GRIK2: variants seen among roughly 807,000 people sequenced by gnomAD.
GRIK2 encodes the protein glutamate ionotropic receptor kainate type subunit 2.
In GRIK2, 32 loss-of-function variants were observed where a neutral mutation model predicts 100.3. The ratio of observed to expected loss-of-function variants is 0.32; its 90% CI spans 0.24 to 0.43. The LOEUF (loss-of-function observed/expected upper bound fraction) is 0.43, where lower values mean the gene tolerates loss of function less well. GRIK2 is among the 20% of genes least tolerant of loss of function. The pLI, the probability that GRIK2 is intolerant of heterozygous loss-of-function variation, is 1.00. For missense variants in GRIK2, 843 were observed against 1,114.9 expected, an observed-to-expected ratio of 0.76 and a Z score of 3.47; for synonymous variants, 417 against 389.4, an observed-to-expected ratio of 1.07 and a Z score of -0.83.
In GRIK2 at chr6:101,542,022, G is replaced by A. The variant is rs148633020; in HGVS notation, c.116-79927G>A. Among the ~76,000 whole-genome samples, 936 of 152,092 alleles carry A rather than the reference G, an allele frequency of 6.2e-3. 3 individuals are homozygous for A. The highest frequency in any genetic ancestry group is 8.9e-3 in the Non-Finnish European group (606 of 67,956). On this transcript the variant is annotated intron_variant, in intron 2 of 16. Coordinates refer to ENST00000369134, the MANE Select transcript of GRIK2 (RefSeq NM_021956.5). ...ATGATATTTAAATGATAGTTATTCT[G>A]TTTGTATTCTCATAATAGTTGAACA... is the stretch of plus-strand genomic sequence containing the variant.
chr6:101,818,534 A>C, intron 10 of GRIK2, 51 bp downstream of exon 10: 1 of 973,698 alleles, frequency 1.0e-6, no homozygotes, highest in Non-Finnish European at 1.7e-6. Flanking sequence ...TGAACACAGA[A>C]GTGCATAGAA....
chr6:102,051,262 TTCCTTCC>T (rs762338372), intron 15 of GRIK2, among the ~76,000 whole-genome samples: 1,838 of 125,648 alleles, frequency 0.015, 22 homozygotes, highest in Admixed American at 0.023. Flanking sequence ...CCTTCCTTCC[TTCCTTCC>T]TTCCTTCCTT....
At chr6:101,573,522 C>A (rs1251073950) in intron 2 of GRIK2, among the ~76,000 whole-genome samples, 1 of 152,110 alleles carries the variant, frequency 6.6e-6, no homozygotes, top group Non-Finnish European at 1.5e-5. Flanking sequence ...CAGTTCTTTT[C>A]CTTCTGGAGG....
At chr6:101,868,134 T>C (rs936121691) in intron 11 of GRIK2, among the ~76,000 whole-genome samples, 3 of 150,326 alleles carry the variant, frequency 2.0e-5, no homozygotes, top group Admixed American at 1.3e-4. Context: ...CCCTACAAAC[T>C]GGAAGCAACT....
At chr6:101,812,580 G>T (rs1781400969) in intron 9 of GRIK2, among the ~76,000 whole-genome samples, 1 of 151,852 alleles carries the variant, frequency 6.6e-6, no homozygotes, top group Admixed American at 6.6e-5. Context: ...AAGCCCGTAG[G>T]ATGTCCTATA....
intron 14 of GRIK2, among the ~76,000 whole-genome samples, chr6:101,954,115 T>C (rs1791765073): frequency 6.6e-6 from 1 of 152,170 alleles, no homozygotes; most frequent in Non-Finnish European, 1.5e-5. Context: ...AATCTGTATG[T>C]CTATCCATAT....
intron 2 of GRIK2, among the ~76,000 whole-genome samples, chr6:101,438,395 T>C (rs1397474020): frequency 5.3e-5 from 8 of 152,286 alleles, no homozygotes; most frequent in Admixed American, 5.2e-4. Flanking sequence ...GGCCATTAAC[T>C]TAATTGCTTT....
At chr6:102,029,239 T>C (rs892908212) in intron 14 of GRIK2, among the ~76,000 whole-genome samples, 1 of 151,308 alleles carries the variant, frequency 6.6e-6, no homozygotes, top group African/African-American at 2.4e-5. Context: ...TCAGGTCCCT[T>C]GGCAATGATC....
At chr6:101,412,834 A>G (rs1455680125) in intron 2 of GRIK2, among the ~76,000 whole-genome samples, 1 of 151,984 alleles carries the variant, frequency 6.6e-6, no homozygotes, top group African/African-American at 2.4e-5. Context: ...TGACCTTTCT[A>G]TTGGTACGGG....
rs1161644812 is a variant in GRIK2, at chr6:101,760,602, A to ATTTAATTATATGTTTAATTATG, written c.952-39045_952-39044insTTAATTATATGTTTAATTATGT. ...ATTATATATAATTATATATAATTAT[A>ATTTAATTATATGTTTAATTATG]TATAATTATATTTAATTATATGTTT... On this transcript the variant is annotated intron_variant, in intron 7 of 16. Transcript: ENST00000369134. Among the ~76,000 whole-genome samples the ATTTAATTATATGTTTAATTATG allele has an allele frequency of 8.5e-4, 52 of 61,086 alleles. 6 individuals are homozygous for ATTTAATTATATGTTTAATTATG. The highest frequency in any genetic ancestry group is 6.0e-3 in the African/African-American group (47 of 7,820). 40.1% of individuals were successfully genotyped at this position (61,086 alleles called of 152,430 possible).
At chr6:101,869,647 T>C (rs1367539951) in intron 11 of GRIK2, among the ~76,000 whole-genome samples, 1 of 151,904 alleles carries the variant, frequency 6.6e-6, no homozygotes, top group East Asian at 1.9e-4. Context: ...ATAGTCTCAC[T>C]GTCCAGTGTG....
At chr6:101,509,041 A>C (rs1774166343) in intron 2 of GRIK2, among the ~76,000 whole-genome samples, 1 of 151,682 alleles carries the variant, frequency 6.6e-6, no homozygotes, top group African/African-American at 2.4e-5. Flanking sequence ...ACCTGTAGTC[A>C]CAGCTACTCG....
chr6:101,546,831 TTTTTTTTTTTTTTTTTG>T (rs1352831509), intron 2 of GRIK2, among the ~76,000 whole-genome samples: 2 of 91,460 alleles, frequency 2.2e-5, no homozygotes, highest in Middle Eastern at 4.3e-3. Context: ...TTTTTTTTTT[TTTTTTTTTTTTTTTTTG>T]GAGACGGAGT....
chr6:101,706,597 TAGA>T (rs1238605743), intron 7 of GRIK2, among the ~76,000 whole-genome samples: 2 of 151,900 alleles, frequency 1.3e-5, no homozygotes, highest in Non-Finnish European at 2.9e-5. Flanking sequence ...GGCAGGAGGT[TAGA>T]ATAGACAGTT....
intron 2 of GRIK2, among the ~76,000 whole-genome samples, chr6:101,543,014 T>G (rs1317131498): frequency 6.6e-6 from 1 of 152,098 alleles, no homozygotes; most frequent in East Asian, 1.9e-4. Flanking sequence ...AAAATTTTGT[T>G]GTATAGAAAA....
intron 2 of GRIK2, among the ~76,000 whole-genome samples, chr6:101,477,977 TG>T (rs1562166220): frequency 1.3e-5 from 2 of 152,192 alleles, no homozygotes; most frequent in African/African-American, 4.8e-5. Context: ...ATATACTGTC[TG>T]TGCCAGACAC....
At chr6:102,021,185 C>T (rs963207104) in intron 14 of GRIK2, among the ~76,000 whole-genome samples, 2 of 151,666 alleles carry the variant, frequency 1.3e-5, no homozygotes, top group Non-Finnish European at 1.5e-5. Flanking sequence ...AGTAAAAGTT[C>T]AAATACTATT....
chr6:101,669,724 A>T (rs1015079062), intron 4 of GRIK2, among the ~76,000 whole-genome samples: 6 of 152,156 alleles, frequency 3.9e-5, no homozygotes, highest in African/African-American at 1.4e-4. Flanking sequence ...ATACTACAGG[A>T]ATGCCTTTGT....
intron 11 of GRIK2, among the ~76,000 whole-genome samples, chr6:101,878,268 A>T (rs909726492): frequency 1.3e-5 from 2 of 151,464 alleles, no homozygotes; most frequent in Non-Finnish European, 2.9e-5. Flanking sequence ...CATGGAAATT[A>T]TCAATAGAGT....
Sources: allele counts gnomAD v4.1 joint callset (sites outside exome capture counted in the v4.1 genomes callset), GRCh38; gene constraint gnomAD v4.1.1; transcripts MANE v1.5; gene names NCBI Gene and HGNC (gene_info 2026-07-23, HGNC 2026-07-21).